Variants in AKT3 observed in about 807,000 individuals in gnomAD.
AKT3 encodes RAC-gamma serine/threonine-protein kinase.
Under a neutral mutation model 65.3 loss-of-function variants are expected in AKT3, and 15 were observed. The observed-to-expected ratio is 0.23, with a 90% CI of 0.15 to 0.35. AKT3 has a LOEUF of 0.35. AKT3 is among the 10% of genes least tolerant of loss of function. The pLI is 1.00. For synonymous variants in AKT3, 206 were observed against 183.8 expected, an observed-to-expected ratio of 1.12 and a Z score of -0.98; for missense variants, 243 against 576.5, an observed-to-expected ratio of 0.42 and a Z score of 5.92.
At chr1:243,690,393 T>TG (rs1347432118) in intron 3 of AKT3, among the ~76,000 whole-genome samples, 1 of 152,240 alleles carries the variant, frequency 6.6e-6, no homozygotes, top group Non-Finnish European at 1.5e-5. Context: ...AGACAATGTA[T>TG]GTATCCTATA....
intron 2 of AKT3, among the ~76,000 whole-genome samples, chr1:243,774,939 T>C (rs1364699388): frequency 1.3e-5 from 2 of 152,198 alleles, no homozygotes; most frequent in Non-Finnish European, 1.5e-5. Flanking sequence ...TATGGCTTTC[T>C]GCAGCCTCGA....
chr1:243,566,613 G>A (rs1380791586), intron 9 of AKT3, among the ~76,000 whole-genome samples: 3 of 152,154 alleles, frequency 2.0e-5, no homozygotes, highest in African/African-American at 7.2e-5. Context: ...CAAGTCAGAG[G>A]GTTCATATTA....
intron 6 of AKT3, among the ~76,000 whole-genome samples, chr1:243,626,271 C>A (rs1402070603): frequency 6.6e-6 from 1 of 152,084 alleles, no homozygotes; most frequent in East Asian, 1.9e-4. Flanking sequence ...AACAGATAGT[C>A]AACGAAGTCC....
At chr1:243,778,909 T>C (rs1283326000) in intron 2 of AKT3, among the ~76,000 whole-genome samples, 18 of 146,722 alleles carry the variant, frequency 1.2e-4, no homozygotes, top group Admixed American at 1.2e-3. Flanking sequence ...ATAAATACTA[T>C]TCTTCCGATT....
chr1:243,676,780 T>G (rs890732100), intron 3 of AKT3, among the ~76,000 whole-genome samples: 1 of 152,202 alleles, frequency 6.6e-6, no homozygotes, highest in African/African-American at 2.4e-5. Flanking sequence ...TTATGACTCT[T>G]GGAATCATCC....
At chr1:243,490,053 G>GGGGA (rs1666013638) in intron 13 of AKT3, among the ~76,000 whole-genome samples, 1 of 152,216 alleles carries the variant, frequency 6.6e-6, no homozygotes, top group Non-Finnish European at 1.5e-5. Flanking sequence ...TGAGTGCCCT[G>GGGGA]GGGACTTCAG....
downstream of AKT3, among the ~76,000 whole-genome samples, chr1:243,495,622 G>A (rs1366568900): frequency 1.3e-5 from 2 of 152,226 alleles, no homozygotes; most frequent in East Asian, 3.9e-4. Context: ...TCGCTGTGCT[G>A]GGGACAGCAG....
At chr1:243,514,088 T>C (rs1051190748) in intron 12 of AKT3, among the ~76,000 whole-genome samples, 2 of 152,244 alleles carry the variant, frequency 1.3e-5, no homozygotes, top group Middle Eastern at 3.4e-3. Context: ...GGAATTCTGG[T>C]TGGGTTTTTC....
intron 8 of AKT3, among the ~76,000 whole-genome samples, chr1:243,601,242 C>G (rs1253483091): frequency 6.6e-6 from 1 of 151,812 alleles, no homozygotes; most frequent in Non-Finnish European, 1.5e-5. Flanking sequence ...AATCTGACAA[C>G]TCAATATTAA....
intron 12 of AKT3, among the ~76,000 whole-genome samples, chr1:243,529,945 T>C (rs2148410289): frequency 6.6e-6 from 1 of 152,348 alleles, no homozygotes; most frequent in East Asian, 1.9e-4. Context: ...GGAATGTTTT[T>C]CCATTTGTTT....
chr1:243,654,906 G>T (rs1021121178), intron 4 of AKT3, among the ~76,000 whole-genome samples: 1 of 151,968 alleles, frequency 6.6e-6, no homozygotes, highest in Non-Finnish European at 1.5e-5. Context: ...AATGAGATTA[G>T]GGATTTTCTT....
At chr1:243,791,287 C>CT (rs11296250) in intron 2 of AKT3, among the ~76,000 whole-genome samples, 12 of 148,010 alleles carry the variant, frequency 8.1e-5, no homozygotes, top group East Asian at 2.0e-4. Flanking sequence ...CGTAACCATT[C>CT]TTTTTTTTTT....
At chr1:243,617,495 T>A (rs1558657010) in intron 6 of AKT3, among the ~76,000 whole-genome samples, 1 of 151,812 alleles carries the variant, frequency 6.6e-6, no homozygotes, top group Non-Finnish European at 1.5e-5. Context: ...AAAAATAAGA[T>A]CCCATTGCTC....
intron 8 of AKT3, among the ~76,000 whole-genome samples, chr1:243,601,971 A>C (rs1412356691): frequency 1.3e-5 from 2 of 152,172 alleles, no homozygotes; most frequent in East Asian, 1.9e-4. Flanking sequence ...CCTTTGTGTA[A>C]GAAGTTTGAC....
intron 9 of AKT3, among the ~76,000 whole-genome samples, chr1:243,569,598 T>G (rs1471633925): frequency 6.6e-6 from 1 of 152,194 alleles, no homozygotes; most frequent in Non-Finnish European, 1.5e-5. Flanking sequence ...CTTCGTGCCA[T>G]TACTGAGTGT....
chr1:243,699,465 C>CCATATA (rs1389882625), intron 2 of AKT3, among the ~76,000 whole-genome samples: 11 of 103,622 alleles, frequency 1.1e-4, no homozygotes, highest in African/African-American at 5.4e-4. Context: ...ACCTCTTCCA[C>CCATATA]TATATATATA....
rs1187043280 is a variant in AKT3 at position 243,504,511 on chromosome 1, G to T, written c.*738C>A. The T allele has an allele frequency of 5.2e-6, 1 of 192,706 alleles. No individual in the cohort carries two copies. The highest frequency in any genetic ancestry group is 2.3e-5 in the African/African-American group (1 of 42,928). 11.9% of individuals were successfully genotyped at this position (192,706 alleles called of 1,614,324 possible). On this transcript the variant is annotated 3_prime_UTR_variant, in exon 14 of 14. Coordinates refer to ENST00000673466, the MANE Select transcript of AKT3 (RefSeq NM_005465.7). ...TAAGACCCTTTAAGTGACCTTGACT[G>T]TGCATATGCCTTCAGTTCTTGGTAG... is the stretch of plus-strand genomic sequence containing the variant.
intron 2 of AKT3, among the ~76,000 whole-genome samples, chr1:243,827,321 C>T (rs1348585820): frequency 6.6e-6 from 1 of 152,142 alleles, no homozygotes; most frequent in Admixed American, 6.5e-5. Context: ...TTCTCATAAA[C>T]AGCCACTTTT....
chr1:243,586,614 T>A (rs1317266674), intron 8 of AKT3, among the ~76,000 whole-genome samples: 2 of 152,094 alleles, frequency 1.3e-5, no homozygotes, highest in Non-Finnish European at 2.9e-5. Context: ...CCGGAGTGAA[T>A]TAACACAGGA....
Sources: allele counts gnomAD v4.1 joint callset (sites outside exome capture counted in the v4.1 genomes callset), GRCh38; gene constraint gnomAD v4.1.1; transcripts MANE v1.5; gene names NCBI Gene and HGNC (gene_info 2026-07-23, HGNC 2026-07-21).